The following NEGR1 variants were observed in gnomAD, a reference collection of about 807,000 sequenced individuals.
NEGR1 encodes the protein neuronal growth regulator 1.
Under a neutral mutation model 40.9 loss-of-function variants are expected in NEGR1, and 10 were observed. The observed-to-expected ratio is 0.24, with a 90% confidence interval of 0.15 to 0.42. The LOEUF is 0.42. NEGR1 is among the 10% of genes least tolerant of loss of function. NEGR1 has a pLI of 1.00. For missense variants in NEGR1, 352 were observed against 438.9 expected (o/e 0.80, Z 1.77); for synonymous variants, 185 against 166.8 (o/e 1.11, Z -0.84).
chr1:71,780,372 C>A (rs909986869), intron 2 of NEGR1, among the ~76,000 whole-genome samples: 5 of 152,154 alleles, frequency 3.3e-5, no homozygotes, highest in Non-Finnish European at 5.9e-5. Flanking sequence ...TCCTCACTAT[C>A]TTCATTATAT....
intron 6 of NEGR1, among the ~76,000 whole-genome samples, chr1:71,554,644 G>A (rs1648195185): frequency 6.6e-6 from 1 of 151,510 alleles, no homozygotes; most frequent in African/African-American, 2.4e-5. Flanking sequence ...TGAATAGGAT[G>A]TCTTCACAGA....
At chr1:72,056,265 C>T (rs1647109292) in intron 1 of NEGR1, among the ~76,000 whole-genome samples, 1 of 151,068 alleles carries the variant, frequency 6.6e-6, no homozygotes, top group Non-Finnish European at 1.5e-5. Context: ...AGGAGAGAGG[C>T]TTTGTGAATA....
chr1:71,563,756 T>C (rs1557568657), intron 6 of NEGR1, among the ~76,000 whole-genome samples: 1 of 151,906 alleles, frequency 6.6e-6, no homozygotes, highest in Non-Finnish European at 1.5e-5. Context: ...GGTGAAGACT[T>C]TAATAAATAA....
At chr1:71,446,965 C>T (rs1646586708) in intron 6 of NEGR1, among the ~76,000 whole-genome samples, 1 of 152,216 alleles carries the variant, frequency 6.6e-6, no homozygotes. Context: ...ATGATGTTGT[C>T]TGTAACTGGA....
chr1:71,545,166 G>T (rs759020790), intron 6 of NEGR1, among the ~76,000 whole-genome samples: 1 of 151,616 alleles, frequency 6.6e-6, no homozygotes, highest in Non-Finnish European at 1.5e-5. Context: ...ATCTAGTAGT[G>T]GGGGAGTGGT....
rs1205537040 is a variant in NEGR1 at position 72,282,517 on chromosome 1, C to G, written c.-23G>C. 13 of 1,590,836 alleles carry G rather than the reference C, an allele frequency of 8.2e-6. No homozygotes were observed. The highest frequency in any genetic ancestry group is 2.3e-5 in the East Asian group (1 of 44,084). The stretch of plus-strand genomic sequence containing the variant: ...CATCCCTGCTAGGGCTGCTCACTCT[C>G]CAGCAGCTTTCAGCTCGCACTCCCC... On this transcript the variant is annotated 5_prime_UTR_variant, in exon 1 of 7. Transcript: ENST00000357731.
At chr1:71,729,402 A>C (rs1215025819) in intron 3 of NEGR1, among the ~76,000 whole-genome samples, 1 of 152,144 alleles carries the variant, frequency 6.6e-6, no homozygotes, top group East Asian at 1.9e-4. Context: ...ACCTTATATT[A>C]TATAATGTAT....
At chr1:71,835,510 C>A (rs1347410034) in intron 2 of NEGR1, among the ~76,000 whole-genome samples, 2 of 152,082 alleles carry the variant, frequency 1.3e-5, no homozygotes, top group East Asian at 3.9e-4. Context: ...TTCTTTCACT[C>A]TCACCTTCAT....
At chr1:71,539,325 AT>A (rs375790996) in intron 6 of NEGR1, among the ~76,000 whole-genome samples, 50 of 151,796 alleles carry the variant, frequency 3.3e-4, no homozygotes, top group African/African-American at 1.1e-3. Context: ...CTTAAAAGTA[AT>A]TTTTTTCCCT....
At chr1:71,983,787 A>T (rs1557468247) in intron 1 of NEGR1, among the ~76,000 whole-genome samples, 1 of 152,234 alleles carries the variant, frequency 6.6e-6, no homozygotes, top group Non-Finnish European at 1.5e-5. Context: ...AATTGATCAA[A>T]ATAGCAAGTA....
intron 3 of NEGR1, among the ~76,000 whole-genome samples, chr1:71,752,439 T>G (rs1655601233): frequency 6.6e-6 from 1 of 152,162 alleles, no homozygotes; most frequent in Admixed American, 6.5e-5. Flanking sequence ...AACACACAAT[T>G]TTGGTTTTAC....
At chr1:71,917,746 C>T (rs999930090) in intron 2 of NEGR1, among the ~76,000 whole-genome samples, 1 of 146,202 alleles carries the variant, frequency 6.8e-6, no homozygotes, top group African/African-American at 2.6e-5. Context: ...CGCCACTGCA[C>T]TCCAGCCTGG....
Position 71,536,552 on chromosome 1 carries a change from A to C in NEGR1, c.940+56265T>G, listed in dbSNP as rs76015709. ...TAGCCTGCAGAATCACAAGCCAAAT[A>C]AAACTCTTTTCTTTGTAAATTATCT... On this transcript the variant is annotated intron_variant, in intron 6 of 6. Transcript: ENST00000357731. Among the ~76,000 whole-genome samples, 672 of 151,834 alleles carry C rather than the reference A, an allele frequency of 4.4e-3. 5 individuals carry two copies. The highest frequency in any genetic ancestry group is 0.016 in the African/African-American group (652 of 41,510).
chr1:71,484,882 G>A (rs1445873261), intron 6 of NEGR1: 1 of 151,570 alleles, frequency 6.6e-6, no homozygotes, highest in African/African-American at 2.4e-5. Flanking sequence ...CTCACTAAGA[G>A]CTCTTTGTGA....
chr1:71,460,105 T>C (rs753152303), intron 6 of NEGR1, among the ~76,000 whole-genome samples: 12 of 152,242 alleles, frequency 7.9e-5, no homozygotes, highest in Non-Finnish European at 1.8e-4. Flanking sequence ...ATTGGTATTA[T>C]AGTAGATAAC....
intron 1 of NEGR1, among the ~76,000 whole-genome samples, chr1:71,981,025 AC>A (rs972307184): frequency 6.6e-6 from 1 of 152,132 alleles, no homozygotes; most frequent in African/African-American, 2.4e-5. Context: ...GCCCTCATCT[AC>A]CTCACTACTT....
chr1:72,143,914 A>ATATATATGATATATATT (rs1491498187), intron 1 of NEGR1, among the ~76,000 whole-genome samples: 2 of 130,614 alleles, frequency 1.5e-5, no homozygotes, highest in South Asian at 4.6e-4. Context: ...TGATATATAT[A>ATATATATGATATATATT]ATATATATAT....
At chr1:71,771,003 T>A (rs1039760986) in intron 3 of NEGR1, among the ~76,000 whole-genome samples, 1 of 152,138 alleles carries the variant, frequency 6.6e-6, no homozygotes, top group East Asian at 1.9e-4. Context: ...CATGCACACG[T>A]ATGTTTATTG....
At chr1:71,972,015 C>G (rs1646260590) in intron 1 of NEGR1, among the ~76,000 whole-genome samples, 1 of 152,134 alleles carries the variant, frequency 6.6e-6, no homozygotes, top group South Asian at 2.1e-4. Flanking sequence ...AATGAACTAT[C>G]CATTGAAGTA....
Sources: gnomAD v4.1 joint callset for allele counts (sites outside exome capture counted in the v4.1 genomes callset) on GRCh38, gnomAD v4.1.1 for gene constraint, MANE v1.5 for transcripts, NCBI Gene and HGNC (gene_info 2026-07-23, HGNC 2026-07-21) for gene names.